Variants in OR4N2 observed in about 807,000 individuals in gnomAD.
The protein encoded by OR4N2 is olfactory receptor 4N2.
For missense variants in OR4N2, 307 were observed against 377.6 expected (o/e 0.81, Z 1.55); for synonymous variants, 141 against 140.4 (o/e 1.00, Z -0.03).
chr14:19,804,152 C>A (rs1170764341), intron 1 of OR4N2, among the ~76,000 whole-genome samples: 1 of 152,112 alleles, frequency 6.6e-6, no homozygotes, highest in Non-Finnish European at 1.5e-5. Context: ...GAAACAAAAC[C>A]TGGATTTGTT....
chr14:19,819,256 C>G (rs1192736313), intron 1 of OR4N2, among the ~76,000 whole-genome samples: 1 of 152,218 alleles, frequency 6.6e-6, no homozygotes, highest in African/African-American at 2.4e-5. Context: ...GGGAAGTTCT[C>G]CTGGATAATA....
At chr14:19,806,648 T>TTTAGATAG (rs1786309783) in intron 1 of OR4N2, among the ~76,000 whole-genome samples, 1 of 151,246 alleles carries the variant, frequency 6.6e-6, no homozygotes, top group Non-Finnish European at 1.5e-5. Flanking sequence ...CCACTGATGG[T>TTTAGATAG]ATCATTAAGG....
In OR4N2 at chr14:19,827,582, T is replaced by C. The variant is rs1264355407; in HGVS notation, c.134T>C (p.Ile45Thr). ...YFIILPGNFL[I>T]IFTIKSDPGL... ...ATCATCCTCCCTGGAAATTTTCTCA[T>C]TATTTTCACCATAAAGTCAGACCCT... The change falls in exon 2 of 2, where the codon ATT (isoleucine) becomes ACT (threonine). Residue 45 changes from isoleucine to threonine, a missense_variant. Coordinates refer to ENST00000557677, the MANE Select transcript of OR4N2 (RefSeq NM_001004723.3). 5.6e-6 allele frequency: 9 copies of C among 1,614,126 alleles called. No individual in the cohort carries two copies. Among genetic ancestry groups the C allele is most frequent in the Non-Finnish European group, 7.6e-6 (9 of 1,180,036 alleles).
chr14:19,805,357 C>A (rs1461261648), intron 1 of OR4N2, among the ~76,000 whole-genome samples: 3 of 152,210 alleles, frequency 2.0e-5, no homozygotes, highest in African/African-American at 7.2e-5. Context: ...AGCAAAATGA[C>A]AGAAGAGCTG....
chr14:19,812,654 A>G (rs1199867773), intron 1 of OR4N2, among the ~76,000 whole-genome samples: 5 of 152,122 alleles, frequency 3.3e-5, no homozygotes, highest in Admixed American at 6.5e-5. Context: ...CACCGTGCCC[A>G]GCCATTTTTT....
At chr14:19,804,462 C>G (rs1346795094) in intron 1 of OR4N2, among the ~76,000 whole-genome samples, 2 of 152,132 alleles carry the variant, frequency 1.3e-5, no homozygotes, top group Non-Finnish European at 1.5e-5. Context: ...GTTGTTTACC[C>G]AAAAGTCATT....
At chr14:19,817,505 G>A (rs866481380) in intron 1 of OR4N2, among the ~76,000 whole-genome samples, 12 of 152,240 alleles carry the variant, frequency 7.9e-5, no homozygotes, top group African/African-American at 2.7e-4. Context: ...TTCTCTGATG[G>A]TAATTTGTAA....
intron 1 of OR4N2, among the ~76,000 whole-genome samples, chr14:19,806,289 T>C (rs1879162962): frequency 6.6e-6 from 1 of 152,098 alleles, no homozygotes; most frequent in Admixed American, 6.6e-5. Context: ...GTAAGTTGGA[T>C]AAAAAGGCAA....
chr14:19,806,247 A>T (rs1229651948), intron 1 of OR4N2, among the ~76,000 whole-genome samples: 1 of 152,166 alleles, frequency 6.6e-6, no homozygotes, highest in Admixed American at 6.5e-5. Context: ...AATGTAAGTT[A>T]TCTAAATGCC....
Position 19,827,925 on chromosome 14 carries a change from G to A in OR4N2, c.477G>A (p.Gln159=), listed in dbSNP as rs1879760225. ...GGGGTTTTGTCCACTCCATTATCCA[G>A]GTGGTCCTCATCCTCCGCTTGCCTT... The part of the protein sequence containing the change: ...WLGGFVHSII[Q]VVLILRLPFC... Residue 159 remains glutamine, a synonymous_variant, in exon 2 of 2, where the codon CAG becomes CAA. Transcript: ENST00000557677. 1 of 1,614,204 alleles carries A rather than the reference G, an allele frequency of 6.2e-7. No homozygotes were observed. The highest frequency in any genetic ancestry group is 1.1e-5 in the South Asian group (1 of 91,082).
chr14:19,820,824 G>C (rs1218579541), intron 1 of OR4N2, among the ~76,000 whole-genome samples: 3 of 151,816 alleles, frequency 2.0e-5, no homozygotes, highest in Non-Finnish European at 4.4e-5. Flanking sequence ...GTGCTGTGCT[G>C]GCAGCAAGAA....
chr14:19,826,185 G>A (rs1456690685), intron 1 of OR4N2, among the ~76,000 whole-genome samples: 1 of 152,214 alleles, frequency 6.6e-6, no homozygotes, highest in African/African-American at 2.4e-5. Flanking sequence ...GGATTATCAT[G>A]TGCACCTTCT....
Position 19,821,150 on chromosome 14 carries a change from A to G in OR4N2, c.-9-6290A>G, listed in dbSNP as rs144842295. On this transcript the variant is annotated intron_variant, in intron 1 of 1. Transcript: ENST00000557677. ...ATCAGAATGCACCTTTCCTCTCGGC[A>G]CAGTCTCTCACGGCTTCCCTTGGCT... is the stretch of plus-strand genomic sequence containing the variant. Among the ~76,000 whole-genome samples, 956 of 152,186 alleles carry G rather than the reference A, an allele frequency of 6.3e-3. 2 individuals are homozygous for G. The highest frequency in any genetic ancestry group is 6.6e-3 in the Non-Finnish European group (450 of 67,958).
At chr14:19,819,981 T>A (rs187136367) in intron 1 of OR4N2, among the ~76,000 whole-genome samples, 352 of 152,340 alleles carry the variant, frequency 2.3e-3, no homozygotes, top group African/African-American at 7.9e-3. Context: ...GGAAGTCCAC[T>A]CCAGACCCTG....
At chr14:19,817,488 T>C (rs1200324247) in intron 1 of OR4N2, among the ~76,000 whole-genome samples, 1 of 152,266 alleles carries the variant, frequency 6.6e-6, no homozygotes, top group Admixed American at 6.5e-5. Flanking sequence ...TAGAGGTGTT[T>C]GTAGTATTCT....
intron 1 of OR4N2, among the ~76,000 whole-genome samples, chr14:19,807,307 A>G (rs1426762392): frequency 6.6e-6 from 1 of 152,074 alleles, no homozygotes; most frequent in African/African-American, 2.4e-5. Flanking sequence ...GTCCTTCAAA[A>G]TAAAAATAAA....
At chr14:19,808,232 A>G (rs1402641091) in intron 1 of OR4N2, among the ~76,000 whole-genome samples, 1 of 152,348 alleles carries the variant, frequency 6.6e-6, no homozygotes, top group Admixed American at 6.5e-5. Flanking sequence ...AGTCCTAGCC[A>G]TAGCAATTAT....
rs1311182948 is a variant in OR4N2 at position 19,825,752 on chromosome 14, G to T, written c.-9-1688G>T. The stretch of plus-strand genomic sequence containing the variant: ...TTTGTATTTTTTTAGTAGAGATAGG[G>T]TTTCACCGTGTTAGCCAAGATGTTC... On this transcript the variant is annotated intron_variant, in intron 1 of 1. Transcript: ENST00000557677. Among the ~76,000 whole-genome samples the T allele has an allele frequency of 2.0e-5, 3 of 152,014 alleles. No individual in the cohort carries two copies. The East Asian group carries it at 5.8e-4, about 29-fold the overall frequency.
At chr14:19,809,512 A>G (rs1352775188) in intron 1 of OR4N2, among the ~76,000 whole-genome samples, 1 of 152,192 alleles carries the variant, frequency 6.6e-6, no homozygotes, top group Non-Finnish European at 1.5e-5. Context: ...AAACAAACGA[A>G]CAAAAAATCC....
Sources: allele counts gnomAD v4.1 joint callset (sites outside exome capture counted in the v4.1 genomes callset), GRCh38; gene constraint gnomAD v4.1.1; transcripts MANE v1.5; gene names NCBI Gene and HGNC (gene_info 2026-07-23, HGNC 2026-07-21).